The following ZMYM2 variants were observed in gnomAD, a reference collection of about 807,000 sequenced individuals.
The protein encoded by ZMYM2 is zinc finger MYM-type protein 2.
A neutral mutation model predicts 162.8 loss-of-function variants in ZMYM2; 56 were observed. The ratio of observed to expected loss-of-function variants is 0.34; its 90% CI spans 0.28 to 0.43. ZMYM2 has a LOEUF of 0.43. Among genes scored for constraint, ZMYM2 ranks in the 20% least tolerant of loss-of-function variants. The probability of loss-of-function intolerance (pLI) is 1.00; values close to 1 mark genes in which losing one functional copy is unlikely to be tolerated. For missense variants in ZMYM2, 1,275 were observed against 1,621.8 expected (o/e 0.79, Z 3.67); for synonymous variants, 510 against 541.6 (o/e 0.94, Z 0.81).
chr13:19,962,318 G>A (rs1373654008), intron 2 of ZMYM2, among the ~76,000 whole-genome samples: 1 of 151,656 alleles, frequency 6.6e-6, no homozygotes, highest in Non-Finnish European at 1.5e-5. Context: ...TAATGTGATG[G>A]GAAGAATGGG....
chr13:19,980,153 T>G (rs1311547070), intron 2 of ZMYM2, among the ~76,000 whole-genome samples: 1 of 152,046 alleles, frequency 6.6e-6, no homozygotes, highest in Non-Finnish European at 1.5e-5. Context: ...GTATTAACGT[T>G]TATGTATGAT....
In ZMYM2 at chr13:20,063,403, TAAAAAAAAAAA is replaced by T. The variant is rs774452570; in HGVS notation, c.3037+445_3037+455del. 1.1e-3 allele frequency among the ~76,000 whole-genome samples: 135 copies of T among 121,204 alleles called. 1 individual carries two copies. The highest frequency in any genetic ancestry group is 3.5e-3 in the African/African-American group (112 of 31,888). The allele number at this position is 121,204 out of a possible 152,430, so 79.5% of individuals were successfully genotyped here. A position where few individuals can be genotyped will look rare whatever the true frequency, so the allele number is the denominator to read the frequency against. Reference sequence around the variant, plus strand: ...GGGCAGCAGAGTGAGACCCTGTCTTTAAAAAAAAAAAAAAAAAAAAAAATTCTAGAAGTAAT... The same window carrying T: ...GGGCAGCAGAGTGAGACCCTGTCTTTAAAAAAAAAAAATTCTAGAAGTAAT... On this transcript the variant is annotated intron_variant, in intron 18 of 24. Transcript: ENST00000610343.
chr13:20,082,447 T>C (rs767444491), intron 22 of ZMYM2, among the ~76,000 whole-genome samples: 3 of 152,106 alleles, frequency 2.0e-5, no homozygotes, highest in Non-Finnish European at 4.4e-5. Flanking sequence ...GTGAAGAAAA[T>C]GTGTATGTAT....
chr13:20,010,278 C>G (rs1357529242), intron 6 of ZMYM2, among the ~76,000 whole-genome samples: 2 of 152,136 alleles, frequency 1.3e-5, no homozygotes, highest in South Asian at 2.1e-4. Context: ...TCACTGCAAC[C>G]TCTGCTTCCT....
Position 20,079,345 on chromosome 13 carries a change from G to GAAAAAAAA in ZMYM2, c.3454-2670_3454-2669insAAAAAAAA, listed in dbSNP as rs1957754259. ...AAAAAAAAAAAAAAAAAAAAAAAAG[G>GAAAAAAAA]ATACTTAATGAATTCAAATCCCATA... On this transcript the variant is annotated intron_variant, in intron 21 of 24. Transcript: ENST00000610343. 2.5e-3 allele frequency among the ~76,000 whole-genome samples: 47 copies of GAAAAAAAA among 19,112 alleles called. 2 individuals carry two copies. The highest frequency in any genetic ancestry group is 3.4e-3 in the African/African-American group (22 of 6,556). The allele number at this position is 19,112 out of a possible 152,430, so 12.5% of individuals were successfully genotyped here. A position where few individuals can be genotyped will look rare whatever the true frequency, so the allele number is the denominator to read the frequency against.
At chr13:19,933,239 A>G in the ZMYM2 span, among the ~76,000 whole-genome samples, 1 of 152,272 alleles carries the variant, frequency 6.6e-6, no homozygotes, top group African/African-American at 2.4e-5. Flanking sequence ...GTGAGAACCA[A>G]AGTGCCCAGC....
chr13:19,962,054 C>G (rs1271641476), intron 2 of ZMYM2, among the ~76,000 whole-genome samples: 1 of 152,204 alleles, frequency 6.6e-6, no homozygotes, highest in Non-Finnish European at 1.5e-5. Context: ...GTGGTCCCTA[C>G]TTTTCCATGG....
the ZMYM2 span, among the ~76,000 whole-genome samples, chr13:19,896,043 T>G: frequency 6.6e-6 from 1 of 150,962 alleles, no homozygotes; most frequent in Non-Finnish European, 1.5e-5. Context: ...ATTTTTTTTT[T>G]TGAGAGAGTC....
the ZMYM2 span, among the ~76,000 whole-genome samples, chr13:19,882,792 A>G: frequency 6.6e-6 from 1 of 152,118 alleles, no homozygotes; most frequent in South Asian, 2.1e-4. Flanking sequence ...GCGCCACTTC[A>G]CATCCAAATT....
chr13:19,938,731 T>C, the ZMYM2 span, among the ~76,000 whole-genome samples: 2 of 151,976 alleles, frequency 1.3e-5, no homozygotes, highest in Non-Finnish European at 2.9e-5. Flanking sequence ...ACCTTTTTTT[T>C]TTTTTCTGAA....
At chr13:19,901,191 G>T in the ZMYM2 span, among the ~76,000 whole-genome samples, 381 of 152,154 alleles carry the variant, frequency 2.5e-3, 2 homozygotes, top group South Asian at 0.013. Context: ...CCATTACATT[G>T]GGGACTAGAG....
At chr13:19,916,568 T>C in the ZMYM2 span, among the ~76,000 whole-genome samples, 88 of 152,180 alleles carry the variant, frequency 5.8e-4, no homozygotes, top group Non-Finnish European at 1.0e-3. Context: ...TGCAGGGACA[T>C]GGATGAAGCT....
Position 20,027,147 on chromosome 13 carries a change from A to G in ZMYM2, c.1736-56A>G, listed in dbSNP as rs115481800. 1,760 of 1,322,780 alleles carry G rather than the reference A, an allele frequency of 1.3e-3. 20 individuals are homozygous for G. The African/African-American group carries it at 0.024, about 18-fold the overall frequency. The allele number at this position is 1,322,780 out of a possible 1,614,324, so 81.9% of individuals were successfully genotyped here. On this transcript the variant is annotated intron_variant, in intron 8 of 24. Transcript: ENST00000610343. ...TTCTATGATCTCAGTAGTTAAGATA[A>G]AAAAACTTTTTTATTACTTTATAAA...
At chr13:19,917,695 C>T in the ZMYM2 span, among the ~76,000 whole-genome samples, 2 of 151,402 alleles carry the variant, frequency 1.3e-5, no homozygotes, top group Non-Finnish European at 3.0e-5. Flanking sequence ...TGGTATTTAA[C>T]TTAATACATA....
the ZMYM2 span, among the ~76,000 whole-genome samples, chr13:19,868,682 G>C: frequency 6.6e-6 from 1 of 152,102 alleles, no homozygotes; most frequent in African/African-American, 2.4e-5. Flanking sequence ...GAAACTCACT[G>C]ATCTTACATT....
At chr13:19,926,333 G>T in the ZMYM2 span, among the ~76,000 whole-genome samples, 1 of 151,202 alleles carries the variant, frequency 6.6e-6, no homozygotes, top group African/African-American at 2.4e-5. Context: ...TTTTTGCGGG[G>T]GTGAGTGGGT....
At chr13:20,022,614 A>T (rs1420442891) in intron 7 of ZMYM2, among the ~76,000 whole-genome samples, 1 of 152,254 alleles carries the variant, frequency 6.6e-6, no homozygotes, top group Non-Finnish European at 1.5e-5. Flanking sequence ...TTGTAAATTA[A>T]ACAGTAATAG....
intron 10 of ZMYM2, among the ~76,000 whole-genome samples, chr13:20,033,846 G>A (rs1175790537): frequency 1.3e-5 from 2 of 152,214 alleles, no homozygotes; most frequent in African/African-American, 4.8e-5. Context: ...TGGTAGGAAT[G>A]TGATGGAGCC....
intron 6 of ZMYM2, among the ~76,000 whole-genome samples, chr13:20,010,931 G>A (rs1462595676): frequency 6.6e-6 from 1 of 152,138 alleles, no homozygotes; most frequent in Non-Finnish European, 1.5e-5. Context: ...GAGCCACTGC[G>A]CCTGGCCCTC....
Sources: allele counts gnomAD v4.1 joint callset (sites outside exome capture counted in the v4.1 genomes callset), GRCh38; gene constraint gnomAD v4.1.1; transcripts MANE v1.5; gene names NCBI Gene and HGNC (gene_info 2026-07-23, HGNC 2026-07-21).